AAGAB: variants seen among roughly 807,000 people sequenced by gnomAD.
AAGAB encodes alpha- and gamma-adaptin-binding protein p34.
In AAGAB, 38 loss-of-function variants were observed where a neutral mutation model predicts 44.1. The ratio of observed to expected loss-of-function variants is 0.86; its 90% CI spans 0.67 to 1.13. The LOEUF is 1.13. Ranked by LOEUF, AAGAB falls within the 50% of genes most tolerant of loss-of-function variation. AAGAB has a pLI of 0.00. For missense variants in AAGAB, 450 were observed against 373.8 expected (o/e 1.20, Z -1.68); for synonymous variants, 131 against 131.8 (o/e 0.99, Z 0.04).
intron 6 of AAGAB, 33 bp downstream of exon 6, chr15:67,209,427 CAA>C (rs1963757881): frequency 1.3e-6 from 2 of 1,532,460 alleles, no homozygotes; most frequent in Non-Finnish European, 9.0e-7. Flanking sequence ...AAATTAAAGC[CAA>C]AGAGGGAAAA....
At chr15:67,237,677 G>A (rs551858384) in intron 1 of AAGAB, among the ~76,000 whole-genome samples, 4 of 152,174 alleles carry the variant, frequency 2.6e-5, no homozygotes, top group Non-Finnish European at 4.4e-5. Context: ...CTAAACTCCC[G>A]TCTCTCACAC....
chr15:67,239,107 CAGGG>C (rs1964537290), intron 1 of AAGAB, among the ~76,000 whole-genome samples: 11 of 152,228 alleles, frequency 7.2e-5, no homozygotes, highest in South Asian at 6.2e-4. Context: ...AGTACAAAGG[CAGGG>C]GGACTAATAT....
rs563421614 is a variant in AAGAB at position 67,247,205 on chromosome 15, G to A, written c.73+7354C>T. Among the ~76,000 whole-genome samples, 17 of 152,060 alleles carry A rather than the reference G, an allele frequency of 1.1e-4. No individual in the cohort carries two copies. In the East Asian group the frequency reaches 1.5e-3, roughly 14 times the overall value. On this transcript the variant is annotated intron_variant, in intron 1 of 9. Coordinates refer to ENST00000261880, the MANE Select transcript of AAGAB (RefSeq NM_024666.5). Reference sequence around the variant, plus strand: ...GAACCCACCAGAAGGAAGAAACTCCGGACACTCACAACGAGGGTTCACGGC... The same window carrying A: ...GAACCCACCAGAAGGAAGAAACTCCAGACACTCACAACGAGGGTTCACGGC...
At chr15:67,219,577 C>T (rs146326390) in intron 5 of AAGAB, among the ~76,000 whole-genome samples, 1 of 151,996 alleles carries the variant, frequency 6.6e-6, no homozygotes, top group East Asian at 1.9e-4. Flanking sequence ...AAACCAAACA[C>T]GATATGTTCT....
intron 5 of AAGAB, among the ~76,000 whole-genome samples, chr15:67,215,125 T>G (rs1461750569): frequency 6.6e-6 from 1 of 152,232 alleles, no homozygotes; most frequent in Non-Finnish European, 1.5e-5. Context: ...TTGTCCTTGT[T>G]GTCCTTACTA....
chr15:67,235,946 T>TG (rs778268537), intron 4 of AAGAB, 33 bp downstream of exon 4: 1 of 1,400,018 alleles, frequency 7.1e-7, no homozygotes, highest in East Asian at 2.3e-5. Context: ...CATATCTAAG[T>TG]GCCATATTTT....
rs1963577125 is a variant in AAGAB, at chr15:67,201,869, G to C, written c.*952C>G. ...CCTTGGAAGAAAAACAAGGTGCTCA[G>C]GAATTCATCGCCTAACATTTCACTT... On this transcript the variant is annotated 3_prime_UTR_variant, in exon 10 of 10. Transcript: ENST00000261880. 1 of 152,322 alleles carries C rather than the reference G, an allele frequency of 6.6e-6. No homozygotes were observed. The highest frequency in any genetic ancestry group is 2.1e-4 in the South Asian group (1 of 4,828). The allele number at this position is 152,322 out of a possible 1,614,324, so 9.4% of individuals were successfully genotyped here. A position where few individuals can be genotyped will look rare whatever the true frequency, so the allele number is the denominator to read the frequency against.
chr15:67,240,317 C>T (rs918258986), intron 1 of AAGAB, among the ~76,000 whole-genome samples: 8 of 152,102 alleles, frequency 5.3e-5, no homozygotes, highest in Non-Finnish European at 1.0e-4. Flanking sequence ...GCAGTGGGCT[C>T]CCTTCTTTGT....
At position 67,203,022 on chromosome 15, in the gene AAGAB, C is replaced by A. The variant is rs964054689; in HGVS notation, c.871-124G>T. ...TTTGCCCTCCAGTCCTCTGGCAACA[C>A]ATATCAGAACCCTTGAATACCATTT... On this transcript the variant is annotated intron_variant, in intron 9 of 9. Coordinates refer to ENST00000261880, the MANE Select transcript of AAGAB (RefSeq NM_024666.5). 2.5e-5 allele frequency: 20 copies of A among 790,750 alleles called. No homozygotes were observed. In the Admixed American group the frequency reaches 3.9e-4, roughly 15 times the overall value. 49.0% of individuals were successfully genotyped at this position (790,750 alleles called of 1,614,324 possible).
At position 67,213,234 on chromosome 15, in the gene AAGAB, G is replaced by GA. The variant is rs544960624; in HGVS notation, c.536-3691dup. Among the ~76,000 whole-genome samples, 663 of 152,236 alleles carry GA rather than the reference G, an allele frequency of 4.4e-3. 6 individuals carry two copies. Among genetic ancestry groups the GA allele is most frequent in the African/African-American group, 0.015 (643 of 41,546 alleles). On this transcript the variant is annotated intron_variant, in intron 5 of 9. Coordinates refer to ENST00000261880, the MANE Select transcript of AAGAB (RefSeq NM_024666.5). Reference sequence around the variant, plus strand: ...GCATGGATAAAAATGAAAATATCATGAAAAAATCTGGCGGTGCTGGTCATT... The same window carrying GA: ...GCATGGATAAAAATGAAAATATCATGAAAAAAATCTGGCGGTGCTGGTCATT...
At chr15:67,223,672 T>C (rs570973843) in intron 5 of AAGAB, among the ~76,000 whole-genome samples, 4 of 152,176 alleles carry the variant, frequency 2.6e-5, no homozygotes, top group Non-Finnish European at 5.9e-5. Context: ...GCAGCCAGAG[T>C]GATCTTTTTA....
At chr15:67,248,425 T>C (rs1323032883) in intron 1 of AAGAB, among the ~76,000 whole-genome samples, 2 of 152,184 alleles carry the variant, frequency 1.3e-5, no homozygotes, top group East Asian at 3.8e-4. Flanking sequence ...CAGAATCCTC[T>C]TACCACAACA....
chr15:67,215,569 T>G (rs1425051211), intron 5 of AAGAB, among the ~76,000 whole-genome samples: 1 of 152,216 alleles, frequency 6.6e-6, no homozygotes, highest in African/African-American at 2.4e-5. Flanking sequence ...GCACAAAATG[T>G]TTTTCCTGTA....
At chr15:67,225,576 G>A (rs1964185043) in intron 5 of AAGAB, among the ~76,000 whole-genome samples, 1 of 152,088 alleles carries the variant, frequency 6.6e-6, no homozygotes, top group Non-Finnish European at 1.5e-5. Context: ...CATACCCTGG[G>A]AACCACTAAT....
intron 1 of AAGAB, among the ~76,000 whole-genome samples, chr15:67,247,560 T>C (rs1964756676): frequency 6.6e-6 from 1 of 152,234 alleles, no homozygotes; most frequent in African/African-American, 2.4e-5. Flanking sequence ...TTGTACAATA[T>C]GGGCTGATGT....
At chr15:67,241,574 C>G (rs2140388308) in intron 1 of AAGAB, among the ~76,000 whole-genome samples, 1 of 151,976 alleles carries the variant, frequency 6.6e-6, no homozygotes, top group African/African-American at 2.4e-5. Context: ...CAGCACAGAC[C>G]TGGGGTCGGA....
In AAGAB at chr15:67,231,852, A is replaced by T; in HGVS notation, c.497T>A (p.Leu166Gln). The T allele has an allele frequency of 3.7e-6, 6 of 1,612,690 alleles. No individual in the cohort carries two copies. Among genetic ancestry groups the T allele is most frequent in the Non-Finnish European group, 5.1e-6 (6 of 1,178,882 alleles). The change falls in exon 5 of 10, where the codon CTG becomes CAG. Residue 166 changes from leucine (L) to glutamine (Q), a missense_variant. Transcript: ENST00000261880. ...STGVKRIVQA[L>Q]NANVWSNVVM... Reference sequence around the variant, plus strand: ...TACATTGGACCACACATTGGCATTCAGGGCTTGGACAATTCGCTTTACTCC... The same window carrying T: ...TACATTGGACCACACATTGGCATTCTGGGCTTGGACAATTCGCTTTACTCC...
chr15:67,222,257 C>A (rs1431500839), intron 5 of AAGAB, among the ~76,000 whole-genome samples: 1 of 149,218 alleles, frequency 6.7e-6, no homozygotes, highest in South Asian at 2.2e-4. Context: ...CACACACACA[C>A]ACACACACAC....
At chr15:67,227,348 A>C (rs991651377) in intron 5 of AAGAB, among the ~76,000 whole-genome samples, 3 of 152,156 alleles carry the variant, frequency 2.0e-5, no homozygotes, top group Non-Finnish European at 4.4e-5. Context: ...TACTTTGTCA[A>C]CCAACTTTTT....
Sources: allele counts gnomAD v4.1 joint callset (sites outside exome capture counted in the v4.1 genomes callset), GRCh38; gene constraint gnomAD v4.1.1; transcripts MANE v1.5; gene names NCBI Gene and HGNC (gene_info 2026-07-23, HGNC 2026-07-21).